USP45: variants seen among roughly 807,000 people sequenced by gnomAD.
USP45 encodes ubiquitin specific peptidase 45.
Under a neutral mutation model 95.8 loss-of-function variants are expected in USP45, and 89 were observed. That is an observed-to-expected ratio of 0.93 (90% CI 0.78 to 1.11). The LOEUF (loss-of-function observed/expected upper bound fraction) is 1.11, where lower values mean the gene tolerates loss of function less well. Ranked by LOEUF, USP45 falls within the 50% of genes least tolerant of loss-of-function variation. The pLI, the probability that USP45 is intolerant of heterozygous loss-of-function variation, is 0.00. For missense variants in USP45, 898 were observed against 942.5 expected, an observed-to-expected ratio of 0.95 and a Z score of 0.62; for synonymous variants, 281 against 316.2, an observed-to-expected ratio of 0.89 and a Z score of 1.18.
At chr6:99,456,902 C>T (rs921856851) in intron 13 of USP45, among the ~76,000 whole-genome samples, 25 of 152,276 alleles carry the variant, frequency 1.6e-4, no homozygotes, top group African/African-American at 4.8e-4. Context: ...GGAGAAATAT[C>T]GCTGAATTCT....
chr6:99,478,468 G>A (rs776872331), intron 8 of USP45, among the ~76,000 whole-genome samples: 5 of 151,962 alleles, frequency 3.3e-5, no homozygotes, highest in Non-Finnish European at 7.4e-5. Context: ...AAGAGGAGAG[G>A]ACTTTTAAAA....
intron 5 of USP45, among the ~76,000 whole-genome samples, chr6:99,494,586 A>ACTTCAAC (rs750690030): frequency 7.2e-4 from 110 of 152,200 alleles, no homozygotes; most frequent in Non-Finnish European, 1.1e-3. Flanking sequence ...GAGATCCTAT[A>ACTTCAAC]ACTATCTTTT....
intron 13 of USP45, among the ~76,000 whole-genome samples, chr6:99,455,583 T>A (rs1784864095): frequency 6.6e-6 from 1 of 152,046 alleles, no homozygotes; most frequent in Admixed American, 6.6e-5. Context: ...CACCCCCATG[T>A]TTACTGCAGT....
intron 5 of USP45, among the ~76,000 whole-genome samples, chr6:99,489,890 G>A (rs1794791953): frequency 6.6e-6 from 1 of 152,138 alleles, no homozygotes; most frequent in African/African-American, 2.4e-5. Context: ...GGCAGAGGTT[G>A]CAGTGAGCTG....
chr6:99,469,943 A>G (rs752444654), intron 9 of USP45, among the ~76,000 whole-genome samples: 4 of 152,188 alleles, frequency 2.6e-5, no homozygotes, highest in Non-Finnish European at 4.4e-5. Context: ...AAGACAAAGT[A>G]CAAGTTATAT....
rs766507444 is a variant in USP45 at position 99,488,250 on chromosome 6, T to A, written c.664A>T (p.Lys222Ter). 12 of 1,612,716 alleles carry A rather than the reference T, an allele frequency of 7.4e-6. No homozygotes were observed. Among genetic ancestry groups the A allele is most frequent in the Non-Finnish European group, 8.5e-6 (10 of 1,179,558 alleles). ...ATCTTGAGTTTTGTACTACTTTCTTTGATCTCATTCATCAGATCAGTAAGA... is the reference window on the plus strand; with the variant it reads ...ATCTTGAGTTTTGTACTACTTTCTTAGATCTCATTCATCAGATCAGTAAGA... ...YTLTDLMNEI[K>*]ESSTKLKIFP... Residue 222 changes from lysine to a stop codon, truncating the protein, a stop_gained, in exon 7 of 18, where the codon AAA becomes TAA. Transcript: ENST00000500704. LOFTEE classifies it high-confidence loss of function.
chr6:99,451,747 G>C (rs1427360711), intron 13 of USP45, among the ~76,000 whole-genome samples: 1 of 152,196 alleles, frequency 6.6e-6, no homozygotes, highest in Non-Finnish European at 1.5e-5. Flanking sequence ...AAAGAACAAA[G>C]CTGGAGGCAT....
In USP45 at chr6:99,439,872, C is replaced by T. The variant is rs781314649; in HGVS notation, c.2074-17G>A. 2 of 1,575,106 alleles carry T rather than the reference C, an allele frequency of 1.3e-6. No homozygotes were observed. The highest frequency in any genetic ancestry group is 2.4e-5 in the South Asian group (2 of 84,526). On this transcript the variant is annotated splice_polypyrimidine_tract_variant and intron_variant, in intron 15 of 17. Coordinates refer to ENST00000500704, the MANE Select transcript of USP45 (RefSeq NM_001346022.3). ...CAAGCCAGCCTTAAAAAGACCAAAA[C>T]ATTTTTGAAATGCAACAATTAGAAA...
intron 1 of USP45, among the ~76,000 whole-genome samples, chr6:99,511,912 T>G: frequency 6.8e-6 from 1 of 148,104 alleles, no homozygotes; most frequent in Admixed American, 6.8e-5. Flanking sequence ...ATTTGAAAGT[T>G]GTAGAGATCT....
intron 2 of USP45, among the ~76,000 whole-genome samples, 188 bp from the exon 3 acceptor site, chr6:99,508,970 G>A (rs542393976): frequency 6.6e-6 from 1 of 152,134 alleles, no homozygotes; most frequent in African/African-American, 2.4e-5. Flanking sequence ...CATAATTATA[G>A]AATGAGAAGA....
At chr6:99,463,764 A>G (rs1324219234) in intron 13 of USP45, among the ~76,000 whole-genome samples, 1 of 140,580 alleles carries the variant, frequency 7.1e-6, no homozygotes, top group African/African-American at 2.6e-5. Context: ...GTGAGCCAAG[A>G]TCGCGCCACC....
intron 13 of USP45, among the ~76,000 whole-genome samples, chr6:99,460,063 C>A (rs746244219): frequency 1.3e-5 from 2 of 152,160 alleles, no homozygotes; most frequent in Non-Finnish European, 2.9e-5. Flanking sequence ...AGATCTGTTG[C>A]CTTTCCACCA....
At chr6:99,461,052 T>C (rs2128613084) in intron 13 of USP45, 1 of 985,360 alleles carries the variant, frequency 1.0e-6, no homozygotes, top group Non-Finnish European at 1.2e-6. Context: ...ATGTAAATTG[T>C]ACCAGAGCAC....
In USP45 at chr6:99,507,548, T is replaced by A; in HGVS notation, c.274-17A>T. 1.3e-6 allele frequency: 2 copies of A among 1,509,386 alleles called. No homozygotes were observed. The highest frequency in any genetic ancestry group is 1.2e-5 in the South Asian group (1 of 86,754). The allele number at this position is 1,509,386 out of a possible 1,614,324, so 93.5% of individuals were successfully genotyped here. A position where few individuals can be genotyped will look rare whatever the true frequency, so the allele number is the denominator to read the frequency against. ...ACCACATCCCTGAAGATGAACAGAA[T>A]TTTATTTTGTATGACTTACAAATGT... is the stretch of plus-strand genomic sequence containing the variant. On this transcript the variant is annotated splice_polypyrimidine_tract_variant and intron_variant, in intron 3 of 17. Transcript: ENST00000500704.
At position 99,434,298 on chromosome 6, in the gene USP45, T is replaced by C. The variant is rs1403040018; in HGVS notation, c.*1418A>G. 6.6e-6 allele frequency: 1 copy of C among 152,206 alleles called. No individual in the cohort carries two copies. Among genetic ancestry groups the C allele is most frequent in the Non-Finnish European group, 1.5e-5 (1 of 68,028 alleles). 9.4% of individuals were successfully genotyped at this position (152,206 alleles called of 1,614,324 possible). ...CTTATGTGTTTAAGACAGTCTTGAT[T>C]AAATATTTCCATACCTTATCTGCAG... On this transcript the variant is annotated 3_prime_UTR_variant, in exon 18 of 18. Coordinates refer to ENST00000500704, the MANE Select transcript of USP45 (RefSeq NM_001346022.3).
At chr6:99,477,794 T>C (rs769005734) in intron 8 of USP45, among the ~76,000 whole-genome samples, 3 of 152,164 alleles carry the variant, frequency 2.0e-5, no homozygotes, top group Non-Finnish European at 2.9e-5. Context: ...CTGACAATAC[T>C]TTATTACCTT....
At position 99,458,635 on chromosome 6, in the gene USP45, A is replaced by C. The variant is rs192915887; in HGVS notation, c.1308+5969T>G. 2.9e-4 allele frequency among the ~76,000 whole-genome samples: 44 copies of C among 152,318 alleles called. 1 individual carries two copies. Among genetic ancestry groups the C allele is most frequent in the Admixed American group, 2.0e-3 (31 of 15,298 alleles). On this transcript the variant is annotated intron_variant, in intron 13 of 17. Transcript: ENST00000500704. ...CTCTTGGCTCAATATAATTGGTGTA[A>C]ATAACTGAAAACAGTGATCATAACA...
chr6:99,462,726 T>G (rs1786779564), intron 13 of USP45: 2 of 990,458 alleles, frequency 2.0e-6, no homozygotes, highest in Non-Finnish European at 2.4e-6. Flanking sequence ...ACACCTGCAA[T>G]TCCAGCACTT....
chr6:99,474,426 G>T (rs1482117797), intron 9 of USP45, among the ~76,000 whole-genome samples: 3 of 152,240 alleles, frequency 2.0e-5, no homozygotes, highest in African/African-American at 7.2e-5. Context: ...TGAAATTCCT[G>T]AGCTCAAGTG....
Sources: gnomAD v4.1 joint callset for allele counts (sites outside exome capture counted in the v4.1 genomes callset) on GRCh38, gnomAD v4.1.1 for gene constraint, MANE v1.5 for transcripts, NCBI Gene and HGNC (gene_info 2026-07-23, HGNC 2026-07-21) for gene names.